The following GATA2 variants were observed in gnomAD, a reference collection of about 807,000 sequenced individuals.
GATA2 encodes the protein endothelial transcription factor GATA-2.
GATA2 carries 6 observed loss-of-function variants against 35.7 expected under a neutral mutation model. The observed-to-expected ratio is 0.17, with a 90% CI of 0.09 to 0.33. The LOEUF (loss-of-function observed/expected upper bound fraction) is 0.33. GATA2 is among the 10% of genes least tolerant of loss of function. The pLI is 1.00. For missense variants in GATA2, 541 were observed against 656.6 expected (o/e 0.82, Z 1.92); for synonymous variants, 313 against 274.9 (o/e 1.14, Z -1.37).
intron 3 of GATA2, among the ~76,000 whole-genome samples, chr3:128,485,386 C>G (rs905919991): frequency 6.6e-6 from 1 of 152,154 alleles, no homozygotes; most frequent in Non-Finnish European, 1.5e-5. Flanking sequence ...ACTTCCCTCG[C>G]TTCACATACT....
chr3:128,482,866 C>T (rs567273999), intron 4 of GATA2, among the ~76,000 whole-genome samples: 264 of 152,360 alleles, frequency 1.7e-3, no homozygotes, highest in African/African-American at 5.8e-3. Context: ...CCAACACTTC[C>T]CAGAGAACTG....
In GATA2 at chr3:128,485,944, C is replaced by G; in HGVS notation, c.654G>C (p.Thr218=). Residue 218 remains threonine (T), a synonymous_variant, in exon 3 of 6, where the codon ACG becomes ACC. Transcript: ENST00000341105. The part of the protein sequence containing the change: ...KDGVKYQVSL[T]ESMKMESGSP... Reference sequence around the variant, plus strand: ...TGCCACTTTCCATCTTCATGCTCTCCGTCAGTGACACCTGGTACTTGACGC... The same window carrying G: ...TGCCACTTTCCATCTTCATGCTCTCGGTCAGTGACACCTGGTACTTGACGC... The G allele has an allele frequency of 6.2e-7, 1 of 1,614,184 alleles. No homozygotes were observed. Among genetic ancestry groups the G allele is most frequent in the Middle Eastern group, 1.6e-4 (1 of 6,062 alleles).
At chr3:128,492,557 C>T (rs1214786051) in intron 1 of GATA2, among the ~76,000 whole-genome samples, 4 of 152,166 alleles carry the variant, frequency 2.6e-5, no homozygotes, top group Non-Finnish European at 4.4e-5. Flanking sequence ...GCATCCGCCG[C>T]GGTGGCCTGG....
intron 1 of GATA2, among the ~76,000 whole-genome samples, chr3:128,491,217 C>CCA (rs2068764013): frequency 2.5e-5 from 3 of 121,726 alleles, no homozygotes; most frequent in Admixed American, 1.6e-4. Flanking sequence ...AGCCCCCCCC[C>CCA]CCCTCTGAGC....
In GATA2 at chr3:128,480,407, C is replaced by T. The variant is rs528698209; in HGVS notation, c.*612G>A. ...GCCTGGGAATCTGTGCAGGACCGCC[C>T]GTGATTGTCTCTGCCCTCCAGGGCC... On this transcript the variant is annotated 3_prime_UTR_variant, in exon 6 of 6. Transcript: ENST00000341105. The T allele has an allele frequency of 3.4e-5, 8 of 234,928 alleles. No individual in the cohort carries two copies. Among genetic ancestry groups the T allele is most frequent in the East Asian group, 1.8e-4 (3 of 16,632 alleles). The allele number at this position is 234,928 out of a possible 1,614,324, so 14.6% of individuals were successfully genotyped here. A position where few individuals can be genotyped will look rare whatever the true frequency, so the allele number is the denominator to read the frequency against.
At chr3:128,492,015 A>G (rs2107677359) in intron 1 of GATA2, 1 of 152,356 alleles carries the variant, frequency 6.6e-6, no homozygotes, top group Non-Finnish European at 1.5e-5. Flanking sequence ...TGGTTCTCGA[A>G]TCCTGCCTGC....
chr3:128,481,318 C>T lies in GATA2; in HGVS notation c.1144G>A (p.Val382Ile), dbSNP rs1559984811. ...ACGLYYKLHN[V>I]NRPLTMKKEG... ...TTCTTCATGGTCAGTGGCCTGTTAA[C>T]CTAGAGGCAACCACCAGTTTTCAGA... Residue 382 changes from valine to isoleucine, a missense_variant and splice_region_variant, in exon 6 of 6, where the codon GTT becomes ATT. Around this residue, in one of 5 missense-constraint regions of GATA2, gnomAD observed 23 missense variants for 67.2 expected, o/e 0.34. Coordinates refer to ENST00000341105, the MANE Select transcript of GATA2 (RefSeq NM_032638.5). 1 of 1,612,154 alleles carries T rather than the reference C, an allele frequency of 6.2e-7. No homozygotes were observed. The highest frequency in any genetic ancestry group is 8.5e-7 in the Non-Finnish European group (1 of 1,180,044).
rs762191699 is a variant in GATA2 at position 128,485,801 on chromosome 3, T to C, written c.797A>G (p.His266Arg). The C allele has an allele frequency of 6.2e-7, 1 of 1,613,622 alleles. No homozygotes were observed. Residue 266 changes from histidine to arginine, a missense_variant, in exon 3 of 6, where the codon CAC (histidine) becomes CGC (arginine). Around this residue, in one of 5 missense-constraint regions of GATA2, gnomAD observed 389 missense variants for 396.9 expected, o/e 0.98. Transcript: ENST00000341105. The part of the protein sequence containing the change: ...AAHDYSSGLF[H>R]PGGFLGGPAS... ...CGGTCCCCCCAGGAAGCCTCCGGGG[T>C]GGAAGAGTCCGCTGCTGTAGTCGTG... is the stretch of plus-strand genomic sequence containing the variant.
intron 1 of GATA2, among the ~76,000 whole-genome samples, chr3:128,490,878 G>T (rs1387181184): frequency 6.6e-6 from 1 of 152,196 alleles, no homozygotes; most frequent in Non-Finnish European, 1.5e-5. Flanking sequence ...AGAGGGACGC[G>T]TTCCCTTTTT....
rs1225259829 is a variant in GATA2 at position 128,486,940 on chromosome 3, T to A, written c.92A>T (p.His31Leu). Reference sequence around the variant, plus strand: ...CAGCTGCGCGGGTTCCATGTAGTTGTGCGCCAGGCCCGGGTGGTGTGAGTC... The same window carrying A: ...CAGCTGCGCGGGTTCCATGTAGTTGAGCGCCAGGCCCGGGTGGTGTGAGTC... ...HPDSHHPGLA[H>L]NYMEPAQLLP... Residue 31 changes from histidine to leucine, a missense_variant, in exon 2 of 6, where the codon CAC becomes CTC. By Grantham distance (99) the His-to-Leu change is moderately conservative. This residue lies in a region of GATA2 where 389 missense variants were observed against 396.9 expected (regional missense o/e 0.98). Coordinates refer to ENST00000341105, the MANE Select transcript of GATA2 (RefSeq NM_032638.5). The A allele has an allele frequency of 1.9e-6, 3 of 1,613,006 alleles. No homozygotes were observed. In the Admixed American group the frequency reaches 5.0e-5, roughly 27 times the overall value.
chr3:128,484,386 T>C (rs1018287307), intron 3 of GATA2, among the ~76,000 whole-genome samples: 16 of 152,088 alleles, frequency 1.1e-4, no homozygotes, highest in African/African-American at 3.9e-4. Context: ...CCCAGGAGGC[T>C]CTCTCCTTCC....
chr3:128,485,384 C>A (rs190981302), intron 3 of GATA2, among the ~76,000 whole-genome samples: 8 of 152,248 alleles, frequency 5.3e-5, no homozygotes, highest in African/African-American at 1.9e-4. Context: ...TCACTTCCCT[C>A]GCTTCACATA....
chr3:128,491,183 A>C (rs3922557), intron 1 of GATA2, among the ~76,000 whole-genome samples: 96,997 of 142,214 alleles, frequency 0.68, 33,983 homozygotes, highest in African/African-American at 0.78. Context: ...GGACACAGAG[A>C]TGCCCAGGTC....
intron 3 of GATA2, among the ~76,000 whole-genome samples, chr3:128,485,268 T>C (rs2068679907): frequency 6.6e-6 from 1 of 152,188 alleles, no homozygotes; most frequent in South Asian, 2.1e-4. Context: ...CCCAGATTCC[T>C]TAATGGTCTG....
rs886057929 is a variant in GATA2 at position 128,481,136 on chromosome 3, G to A, written c.1326C>T (p.His442=). The change falls in exon 6 of 6, where the codon CAC becomes CAT. Residue 442 remains histidine, a synonymous_variant. Coordinates refer to ENST00000341105, the MANE Select transcript of GATA2 (RefSeq NM_032638.5). ...GTCCGGAGTGGCTGAAGGGCGGGAG[G>A]TGGCCCACAGGTGCCATGTGTCCAG... ...ALAGHMAPVG[H]LPPFSHSGHI... 25 of 1,614,084 alleles carry A rather than the reference G, an allele frequency of 1.5e-5. No individual in the cohort carries two copies. Among genetic ancestry groups the A allele is most frequent in the Non-Finnish European group, 2.1e-5 (25 of 1,180,030 alleles).
At chr3:128,482,303 C>T (rs1272065759) in intron 4 of GATA2, among the ~76,000 whole-genome samples, 5 of 152,098 alleles carry the variant, frequency 3.3e-5, no homozygotes, top group South Asian at 2.1e-4. Flanking sequence ...GAGGCTGAGC[C>T]GGCTTGGTCC....
intron 2 of GATA2, 100 bp from the exon 3 acceptor site, chr3:128,486,468 C>G: frequency 2.1e-6 from 3 of 1,416,958 alleles, no homozygotes; most frequent in Non-Finnish European, 2.9e-6. Flanking sequence ...CTCCCAGAAC[C>G]AGCAGTCATC....
intron 1 of GATA2, chr3:128,489,997 A>C (rs1166054866): frequency 6.6e-6 from 1 of 152,202 alleles, no homozygotes; most frequent in Admixed American, 6.5e-5. Flanking sequence ...GACCGAGCGG[A>C]AGCTTCCCGC....
chr3:128,488,736 G>A lies in GATA2; in HGVS notation c.-45-1660C>T, dbSNP rs1369723974. On this transcript the variant is annotated intron_variant, in intron 1 of 5. Coordinates refer to ENST00000341105, the MANE Select transcript of GATA2 (RefSeq NM_032638.5). This position sits in a 1 kb window ranked among gnomAD's most constrained non-coding sequence, Gnocchi z 5.8. ...GGTCCCCGAGGTGGCCTCTGGTGAG[G>A]GGGAGGCGGTGGTCTGAGGTCTCCG... Among the ~76,000 whole-genome samples, 1 of 152,244 alleles carries A rather than the reference G, an allele frequency of 6.6e-6. No individual in the cohort carries two copies. Among genetic ancestry groups the A allele is most frequent in the African/African-American group, 2.4e-5 (1 of 41,564 alleles).
Sources: allele counts gnomAD v4.1 joint callset (sites outside exome capture counted in the v4.1 genomes callset), GRCh38; gene constraint gnomAD v4.1.1; regional missense constraint gnomAD v4.1.1; non-coding constraint Gnocchi (gnomAD v3.1); transcripts MANE v1.5; gene names NCBI Gene and HGNC (gene_info 2026-07-23, HGNC 2026-07-21).